The following ZNF432 variants were observed in gnomAD, a reference collection of about 807,000 sequenced individuals.
ZNF432 encodes zinc finger protein 432.
ZNF432 carries 10 observed loss-of-function variants against 13.9 expected under a neutral mutation model. The observed-to-expected ratio is 0.72, with a 90% CI of 0.44 to 1.22. The LOEUF (loss-of-function observed/expected upper bound fraction) is 1.22. ZNF432 is among the 50% of genes most tolerant of loss of function. The pLI, the probability that ZNF432 is intolerant of heterozygous loss-of-function variation, is 0.00. For synonymous variants in ZNF432, 247 were observed against 256.2 expected, an observed-to-expected ratio of 0.96 and a Z score of 0.34; for missense variants, 793 against 796.2, an observed-to-expected ratio of 1.00 and a Z score of 0.05.
At chr19:52,037,233 A>G (rs1387982193) in intron 4 of ZNF432, among the ~76,000 whole-genome samples, 2 of 152,210 alleles carry the variant, frequency 1.3e-5, no homozygotes, top group Admixed American at 6.5e-5. Flanking sequence ...AATTGTTACT[A>G]AATTTGCCCC....
intron 4 of ZNF432, among the ~76,000 whole-genome samples, chr19:52,035,731 A>G (rs1216439977): frequency 6.6e-6 from 1 of 151,910 alleles, no homozygotes; most frequent in Non-Finnish European, 1.5e-5. Context: ...CAGGGTTTCA[A>G]TATGTTGGCC....
intron 1 of ZNF432, among the ~76,000 whole-genome samples, chr19:52,047,780 T>C (rs1248755450): frequency 6.6e-6 from 1 of 151,972 alleles, no homozygotes; most frequent in Non-Finnish European, 1.5e-5. Flanking sequence ...AATACAAATT[T>C]AGAAAACAAT....
chr19:52,035,538 A>G (rs770925816), intron 4 of ZNF432, 98 bp from the exon 5 acceptor site: 2 of 1,038,948 alleles, frequency 1.9e-6, no homozygotes, highest in Non-Finnish European at 2.7e-6. Context: ...TTTGTTTATT[A>G]TTATTATTTT....
Position 52,034,122 on chromosome 19 carries a change from T to C in ZNF432, c.1557A>G (p.Gly519=), listed in dbSNP as rs751719739. 3 of 1,614,076 alleles carry C rather than the reference T, an allele frequency of 1.9e-6. No homozygotes were observed. The highest frequency in any genetic ancestry group is 2.5e-6 in the Non-Finnish European group (3 of 1,179,982). The change falls in exon 5 of 5, where the codon GGA becomes GGG. Residue 519 remains glycine (G), a synonymous_variant. Coordinates refer to ENST00000221315, the MANE Select transcript of ZNF432 (RefSeq NM_014650.4). ...GATTGCTCTTAAAGGCAAAACCTTTTCCACATTCATTGCATATGTACGGTT... is the reference window on the plus strand; with the variant it reads ...GATTGCTCTTAAAGGCAAAACCTTTCCCACATTCATTGCATATGTACGGTT... ...GEKPYICNEC[G]KGFAFKSNLV...
At chr19:52,037,480 A>G (rs1483372820) in intron 4 of ZNF432, among the ~76,000 whole-genome samples, 1 of 152,168 alleles carries the variant, frequency 6.6e-6, no homozygotes. Context: ...ATTTTCTTCA[A>G]TCACATTCTG....
intron 2 of ZNF432, among the ~76,000 whole-genome samples, chr19:52,046,480 A>G (rs1467089088): frequency 1.3e-5 from 2 of 152,236 alleles, no homozygotes; most frequent in African/African-American, 4.8e-5. Flanking sequence ...ACTGTTCACC[A>G]TATCACCTCT....
intron 2 of ZNF432, among the ~76,000 whole-genome samples, chr19:52,042,394 C>T (rs1440197232): frequency 6.6e-6 from 1 of 151,796 alleles, no homozygotes; most frequent in African/African-American, 2.4e-5. Flanking sequence ...ACCAAAAAGA[C>T]AAAAATTAAC....
At chr19:52,046,786 T>C (rs1328636872) in intron 2 of ZNF432, 68 bp downstream of exon 2, 7 of 1,503,992 alleles carry the variant, frequency 4.7e-6, no homozygotes, top group African/African-American at 4.2e-5. Flanking sequence ...GATTCTGAAA[T>C]GATTTCTTAC....
In ZNF432 at chr19:52,034,838, G is replaced by A. The variant is rs192603899; in HGVS notation, c.841C>T (p.Arg281Ter). 117 of 1,613,552 alleles carry A rather than the reference G, an allele frequency of 7.3e-5. No homozygotes were observed. Among genetic ancestry groups the A allele is most frequent in the East Asian group, 6.0e-4 (27 of 44,862 alleles). The change falls in exon 5 of 5, where the codon CGA becomes TGA. Residue 281 changes from arginine (R) to a stop codon, truncating the protein, a stop_gained. Transcript: ENST00000221315. LOFTEE classifies it low-confidence loss of function (END_TRUNC). ...TAGGGTTTCTCTCCAGTATGAGTTC[G>A]CTGATGTTCAATCAGACGGCTCTTC... is the stretch of plus-strand genomic sequence containing the variant. ...TMKSRLIEHQRTHTGEKPYIC... is the reference protein window; with the variant it reads ...TMKSRLIEHQ
chr19:52,040,431 A>T, intron 4 of ZNF432, 57 bp downstream of exon 4: 1 of 1,483,808 alleles, frequency 6.7e-7, no homozygotes, highest in South Asian at 1.1e-5. Context: ...AGACACCCAC[A>T]GAGCCTTCTT....
Position 52,034,249 on chromosome 19 carries a change from C to G in ZNF432, c.1430G>C (p.Arg477Pro). 6.2e-7 allele frequency: 1 copy of G among 1,614,076 alleles called. No homozygotes were observed. Among genetic ancestry groups the G allele is most frequent in the South Asian group, 1.1e-5 (1 of 91,084 alleles). Residue 477 changes from arginine to proline, a missense_variant, in exon 5 of 5, where the codon CGA becomes CCA. Transcript: ENST00000221315. ...GTAAGGTTTCTCTCCAGTATGAGTT[C>G]GCTGATGTACAATCAGCCGACTCTT... The part of the protein sequence containing the change: ...PLKSRLIVHQ[R>P]THTGEKPYRC...
chr19:52,041,769 T>C (rs1275953991), intron 2 of ZNF432, among the ~76,000 whole-genome samples, 163 bp from the exon 3 acceptor site: 1 of 152,274 alleles, frequency 6.6e-6, no homozygotes, highest in Non-Finnish European at 1.5e-5. Flanking sequence ...AAGTATTCTA[T>C]AATTGCACAG....
rs1390656379 is a variant in ZNF432 at position 52,034,630 on chromosome 19, C to G, written c.1049G>C (p.Cys350Ser). The G allele has an allele frequency of 6.2e-7, 1 of 1,613,382 alleles. No individual in the cohort carries two copies. The highest frequency in any genetic ancestry group is 8.5e-7 in the Non-Finnish European group (1 of 1,179,740). Reference protein sequence around the residue: ...TGEKPYICSECGKGFTTKHYV... With the variant: ...TGEKPYICSESGKGFTTKHYV... The stretch of plus-strand genomic sequence containing the variant: ...GTGTTTTGTGGTGAAGCCTTTCCCA[C>G]ATTCACTACAGATGTAGGGCTTCTC... The change falls in exon 5 of 5, where the codon TGT becomes TCT. Residue 350 changes from cysteine (C) to serine (S), a missense_variant. Cys to Ser is a moderately radical substitution (Grantham distance 112, BLOSUM62 -1). Transcript: ENST00000221315.
intron 2 of ZNF432, among the ~76,000 whole-genome samples, chr19:52,045,802 C>G (rs1186071511): frequency 6.6e-6 from 1 of 150,906 alleles, no homozygotes; most frequent in Admixed American, 6.6e-5. Flanking sequence ...CGAGACCAGC[C>G]TGGCCAAGAT....
chr19:52,040,280 G>A, intron 4 of ZNF432: 2 of 589,032 alleles, frequency 3.4e-6, no homozygotes, highest in Non-Finnish European at 6.1e-6. Context: ...CATAGGTAGA[G>A]GACATTCAAT....
At chr19:52,039,583 C>T (rs2087114526) in intron 4 of ZNF432, among the ~76,000 whole-genome samples, 1 of 152,024 alleles carries the variant, frequency 6.6e-6, no homozygotes, top group East Asian at 1.9e-4. Flanking sequence ...CCTGTAATCC[C>T]AGCACTTTGG....
chr19:52,041,751 G>A (rs1449927433), intron 2 of ZNF432, 145 bp from the exon 3 acceptor site: 1 of 978,294 alleles, frequency 1.0e-6, no homozygotes, highest in Non-Finnish European at 1.4e-6. Context: ...TATTGCCAGA[G>A]AATCTCCAAG....
In ZNF432 at chr19:52,041,559, C is replaced by T; in HGVS notation, c.63G>A (p.Glu21=). Residue 21 remains glutamate (E), a synonymous_variant, in exon 3 of 5, where the codon GAG becomes GAA. Transcript: ENST00000221315. ...TCTGAAAAGGGCCCAGGAGCTGCCA[C>T]TCCTCCCAGGTGAACTCCACAGTAA... ...EDVTVEFTWE[E]WQLLGPFQKD... The T allele has an allele frequency of 6.2e-7, 1 of 1,613,766 alleles. No individual in the cohort carries two copies. The highest frequency in any genetic ancestry group is 8.5e-7 in the Non-Finnish European group (1 of 1,179,876).
chr19:52,036,755 C>A lies in ZNF432; in HGVS notation c.239-1315G>T, dbSNP rs2087085192. On this transcript the variant is annotated intron_variant, in intron 4 of 4. Coordinates refer to ENST00000221315, the MANE Select transcript of ZNF432 (RefSeq NM_014650.4). ...GCACAATCTTGCATCACTGCAACCT[C>A]CACCTCCCAGGCTCAAGCAATTCTC... 2.0e-5 allele frequency among the ~76,000 whole-genome samples: 3 copies of A among 152,104 alleles called. No homozygotes were observed. The South Asian group carries it at 6.2e-4, about 31-fold the overall frequency.
Sources: gnomAD v4.1 joint callset for allele counts (sites outside exome capture counted in the v4.1 genomes callset) on GRCh38, gnomAD v4.1.1 for gene constraint, MANE v1.5 for transcripts, NCBI Gene and HGNC (gene_info 2026-07-23, HGNC 2026-07-21) for gene names.